Variants in CCDC51 observed in about 807,000 individuals in gnomAD.
The protein encoded by CCDC51 is mitochondrial potassium channel.
A neutral mutation model predicts 24.8 loss-of-function variants in CCDC51; 25 were observed. That is an observed-to-expected ratio of 1.01 (90% CI 0.73 to 1.41). CCDC51 has a LOEUF of 1.41. Ranked by LOEUF, CCDC51 falls within the 40% of genes most tolerant of loss-of-function variation. CCDC51 has a pLI of 0.00. For synonymous variants in CCDC51, 190 were observed against 204.3 expected, an observed-to-expected ratio of 0.93 and a Z score of 0.60; for missense variants, 466 against 519.1, an observed-to-expected ratio of 0.90 and a Z score of 0.99.
chr3:48,440,935 G>A (rs968814153), upstream of CCDC51: 3 of 470,946 alleles, frequency 6.4e-6, no homozygotes, highest in African/African-American at 5.9e-5. Context: ...AAAGTCTGAC[G>A]TCGTCCGCAA....
In CCDC51 at chr3:48,432,307, G is replaced by C; in HGVS notation, c.*101C>G. The C allele has an allele frequency of 7.2e-7, 1 of 1,384,488 alleles. No homozygotes were observed. The highest frequency in any genetic ancestry group is 1.3e-5 in the South Asian group (1 of 75,658). 85.8% of individuals were successfully genotyped at this position (1,384,488 alleles called of 1,614,324 possible). A position where few individuals can be genotyped will look rare whatever the true frequency, so the allele number is the denominator to read the frequency against. ...CACAGATACTGCTCCTTCAGATTGA[G>C]GTTGTACATGCCCCCAAAGGCTCGC... On this transcript the variant is annotated 3_prime_UTR_variant, in exon 4 of 4. Transcript: ENST00000395694.
rs1049368634 is a variant in CCDC51, at chr3:48,435,302, T to C, written c.-8-166A>G. 1.3e-5 allele frequency among the ~76,000 whole-genome samples: 2 copies of C among 152,190 alleles called. No individual in the cohort carries two copies. Among genetic ancestry groups the C allele is most frequent in the Non-Finnish European group, 2.9e-5 (2 of 68,008 alleles). On this transcript the variant is annotated intron_variant, in intron 1 of 3. Transcript: ENST00000395694. The surrounding 1 kb of genome is among the most constrained non-coding windows in gnomAD (Gnocchi z 4.2). ...GACTGTGGCCCCTGTGGCAAGAGGA[T>C]GGTCAGGCTCTCCTCTGGGTGCTCT...
At chr3:48,441,182 ATT>A (rs1026289807), upstream of CCDC51, 4 of 146,742 alleles carry the variant, frequency 2.7e-5, no homozygotes, top group South Asian at 2.1e-4. Context: ...CGCCTGGCTA[ATT>A]TTTTTTTTTT....
Position 48,435,028 on chromosome 3 carries a change from C to T in CCDC51, c.101G>A (p.Arg34Lys). 7 of 1,614,180 alleles carry T rather than the reference C, an allele frequency of 4.3e-6. No homozygotes were observed. Among genetic ancestry groups the T allele is most frequent in the Non-Finnish European group, 5.9e-6 (7 of 1,180,014 alleles). The change falls in exon 2 of 4, where the codon AGG becomes AAG. Residue 34 changes from arginine (R) to lysine (K), a missense_variant. By Grantham distance (26) the Arg-to-Lys change is conservative. Coordinates refer to ENST00000395694, the MANE Select transcript of CCDC51 (RefSeq NM_001256964.2). The surrounding 1 kb of genome is among the most constrained non-coding windows in gnomAD (Gnocchi z 4.2). The stretch of plus-strand genomic sequence containing the variant: ...GCTTGGGCCTGGGCTGCAGAGAGTC[C>T]TGGTCATGAAGAGGTCCCTTCCAAG... Reference protein sequence around the residue: ...GLLGRDLFMTRTLCSPGPSQP... With the variant: ...GLLGRDLFMTKTLCSPGPSQP...
In CCDC51 at chr3:48,435,774, CA is replaced by C. The variant is rs371586479; in HGVS notation, c.-8-639del. 1.4e-5 allele frequency among the ~76,000 whole-genome samples: 2 copies of C among 148,046 alleles called. No homozygotes were observed. The highest frequency in any genetic ancestry group is 6.7e-5 in the Admixed American group (1 of 14,852). On this transcript the variant is annotated intron_variant, in intron 1 of 3. Coordinates refer to ENST00000395694, the MANE Select transcript of CCDC51 (RefSeq NM_001256964.2). The surrounding 1 kb of genome is among the most constrained non-coding windows in gnomAD (Gnocchi z 4.2). The stretch of plus-strand genomic sequence containing the variant: ...CTCTCCTCTAAGATAATTCCAGGGG[CA>C]AAAAAAAACAAAACAAAACTGTTTT...
chr3:48,441,719 T>C (rs1176475663), upstream of CCDC51, among the ~76,000 whole-genome samples: 1 of 152,230 alleles, frequency 6.6e-6, no homozygotes, highest in Non-Finnish European at 1.5e-5. Context: ...GTACTTTATG[T>C]GCATCATAAG....
chr3:48,434,037 A>G, intron 2 of CCDC51, 166 bp from the exon 3 acceptor site: 1 of 1,397,506 alleles, frequency 7.2e-7, no homozygotes, highest in Non-Finnish European at 9.3e-7. Context: ...GTGGTGCTCA[A>G]AGTGCAGCCT....
chr3:48,437,385 G>T lies in CCDC51; in HGVS notation c.-8-2249C>A, dbSNP rs561485563. On this transcript the variant is annotated intron_variant, in intron 1 of 3. Transcript: ENST00000395694. The surrounding 1 kb of genome is among the most constrained non-coding windows in gnomAD (Gnocchi z 4.2). ...ACCATCCCACCAGCCCCCAACCCTG[G>T]GCCCTGTTTCTCAGCCCCCAGGATG... Among the ~76,000 whole-genome samples the T allele has an allele frequency of 6.6e-6, 1 of 151,932 alleles. No homozygotes were observed. The highest frequency in any genetic ancestry group is 2.4e-5 in the African/African-American group (1 of 41,410).
chr3:48,443,375 C>T (rs192895625), upstream of CCDC51, among the ~76,000 whole-genome samples: 87 of 151,894 alleles, frequency 5.7e-4, 3 homozygotes, highest in East Asian at 0.012. Context: ...TGGTGAGCCC[C>T]GTCTCCACTA....
chr3:48,443,869 C>T (rs2039621245), upstream of CCDC51: 1 of 1,560,644 alleles, frequency 6.4e-7, no homozygotes, highest in Admixed American at 2.1e-5. Flanking sequence ...ATTAAGAAAT[C>T]TGGCAAAAAG....
intron 1 of CCDC51, among the ~76,000 whole-genome samples, chr3:48,438,804 C>T (rs921621540): frequency 1.3e-5 from 2 of 152,208 alleles, no homozygotes; most frequent in African/African-American, 4.8e-5. Flanking sequence ...TGTCTCTCTG[C>T]TCAACCTCTA....
At chr3:48,440,712 G>T (rs2039540277), upstream of CCDC51, 6 of 1,273,462 alleles carry the variant, frequency 4.7e-6, no homozygotes, top group African/African-American at 1.5e-5. Context: ...TCTTTTTCCT[G>T]CCTCCTGAAC....
At chr3:48,441,670 C>G (rs1486756033), upstream of CCDC51, among the ~76,000 whole-genome samples, 1 of 152,166 alleles carries the variant, frequency 6.6e-6, no homozygotes, top group Non-Finnish European at 1.5e-5. Flanking sequence ...AGGAGAAATT[C>G]ATTACATTTC....
At chr3:48,438,746 T>A (rs966770576) in intron 1 of CCDC51, among the ~76,000 whole-genome samples, 4 of 152,192 alleles carry the variant, frequency 2.6e-5, no homozygotes, top group African/African-American at 9.7e-5. Flanking sequence ...CTACAATTTA[T>A]TGTCAGTCGA....
chr3:48,442,537 C>T (rs552005044), upstream of CCDC51, among the ~76,000 whole-genome samples: 12 of 151,358 alleles, frequency 7.9e-5, no homozygotes, highest in South Asian at 2.3e-3. Context: ...CTGCAGCCTC[C>T]GCCTCCCAGG....
upstream of CCDC51, chr3:48,440,244 G>T: frequency 6.4e-7 from 1 of 1,566,532 alleles, no homozygotes; most frequent in Non-Finnish European, 8.6e-7. Flanking sequence ...ACAAAGGGTG[G>T]GGCAGACGCT....
At chr3:48,436,146 C>T (rs571888231) in intron 1 of CCDC51, among the ~76,000 whole-genome samples, 4 of 152,268 alleles carry the variant, frequency 2.6e-5, no homozygotes, top group African/African-American at 9.6e-5. Flanking sequence ...CTGGCCAAAC[C>T]ACACCTCAAA....
chr3:48,436,760 T>A (rs904543489), intron 1 of CCDC51, among the ~76,000 whole-genome samples: 2 of 152,216 alleles, frequency 1.3e-5, no homozygotes, highest in Non-Finnish European at 2.9e-5. Flanking sequence ...CTCAGCCTCC[T>A]TTCCCAGCAC....
Position 48,432,712 on chromosome 3 carries a change from C to T in CCDC51, c.932G>A (p.Arg311Lys). Reference sequence around the variant, plus strand: ...GCCTTCTAGACATGAATGGACTTGCCTGGAATGACTAAGCTGCTCTTTCAA... The same window carrying T: ...GCCTTCTAGACATGAATGGACTTGCTTGGAATGACTAAGCTGCTCTTTCAA... ...AALKEQLSHS[R>K]QVHSCLEGLR... The change falls in exon 4 of 4, where the codon AGG becomes AAG. Residue 311 changes from arginine (R) to lysine (K), a missense_variant. Physicochemically the swap from Arg to Lys is conservative, Grantham distance 26. Coordinates refer to ENST00000395694, the MANE Select transcript of CCDC51 (RefSeq NM_001256964.2). The T allele has an allele frequency of 6.2e-7, 1 of 1,614,234 alleles. No homozygotes were observed. The highest frequency in any genetic ancestry group is 8.5e-7 in the Non-Finnish European group (1 of 1,180,042).
Sources: allele counts gnomAD v4.1 joint callset (sites outside exome capture counted in the v4.1 genomes callset), GRCh38; gene constraint gnomAD v4.1.1; non-coding constraint Gnocchi (gnomAD v3.1); transcripts MANE v1.5; gene names NCBI Gene and HGNC (gene_info 2026-07-23, HGNC 2026-07-21).